NSUN6: variants seen among roughly 807,000 people sequenced by gnomAD.
The protein encoded by NSUN6 is NOP2/Sun RNA methyltransferase 6.
Under a neutral mutation model 58.0 loss-of-function variants are expected in NSUN6, and 64 were observed. That is an observed-to-expected ratio of 1.10 (90% CI 0.90 to 1.36). The LOEUF is 1.36. NSUN6 is among the 40% of genes most tolerant of loss of function. NSUN6 has a pLI of 0.00. For synonymous variants in NSUN6, 231 were observed against 193.9 expected (o/e 1.19, Z -1.59); for missense variants, 701 against 550.1 (o/e 1.27, Z -2.74).
intron 10 of NSUN6, 50 bp downstream of exon 10, chr10:18,548,062 A>C (rs1292697694): frequency 6.3e-7 from 1 of 1,578,128 alleles, no homozygotes; most frequent in South Asian, 1.1e-5. Flanking sequence ...ACAGTGCTTC[A>C]GTTTCTGTGA....
At position 18,623,503 on chromosome 10, in the gene NSUN6, C is replaced by T. The variant is rs756131857; in HGVS notation, c.312-7210G>A. On this transcript the variant is annotated intron_variant, in intron 3 of 10. Transcript: ENST00000377304. Reference sequence around the variant, plus strand: ...TGGAGTCTCTGAAAAGGAGAGGCTCCTGGAGGCTTAATCAAACATTTATTA... The same window carrying T: ...TGGAGTCTCTGAAAAGGAGAGGCTCTTGGAGGCTTAATCAAACATTTATTA... Among the ~76,000 whole-genome samples, 162 of 152,234 alleles carry T rather than the reference C, an allele frequency of 1.1e-3. 1 individual carries two copies. The highest frequency in any genetic ancestry group is 1.9e-3 in the Non-Finnish European group (130 of 68,028).
At chr10:18,603,766 C>T (rs2057942440) in intron 6 of NSUN6, among the ~76,000 whole-genome samples, 2 of 152,228 alleles carry the variant, frequency 1.3e-5, no homozygotes, top group African/African-American at 2.4e-5. Context: ...CGTGAGCCAC[C>T]GTGCCTGGCC....
chr10:18,552,097 T>C (rs1231682270), intron 8 of NSUN6, 126 bp from the exon 9 acceptor site: 1 of 616,130 alleles, frequency 1.6e-6, no homozygotes, highest in Non-Finnish European at 2.8e-6. Context: ...CTCCCTTCAA[T>C]CAAGTAGCTG....
At chr10:18,651,659 G>C (rs1349139256), upstream of NSUN6, 20 of 985,758 alleles carry the variant, frequency 2.0e-5, no homozygotes, top group Non-Finnish European at 2.3e-5. Flanking sequence ...CGGCGCCTGC[G>C]GCCCACCCCT....
chr10:18,650,935 C>T (rs1349123251), intron 1 of NSUN6, among the ~76,000 whole-genome samples, 194 bp downstream of exon 1: 5 of 152,166 alleles, frequency 3.3e-5, no homozygotes, highest in Non-Finnish European at 7.3e-5. Context: ...AATGTTAAAA[C>T]ATATACCTTA....
intron 8 of NSUN6, among the ~76,000 whole-genome samples, chr10:18,572,530 AT>A (rs1564741230): frequency 1.4e-5 from 2 of 145,800 alleles, no homozygotes; most frequent in African/African-American, 5.2e-5. Context: ...TCCATTCCCT[AT>A]TCCATTCCAT....
intron 3 of NSUN6, among the ~76,000 whole-genome samples, chr10:18,642,225 G>A (rs908587378): frequency 6.6e-6 from 1 of 151,442 alleles, no homozygotes; most frequent in African/African-American, 2.4e-5. Flanking sequence ...GTGGGGGGGG[G>A]AAAACATCAC....
chr10:18,619,310 G>A (rs542028445), intron 3 of NSUN6, among the ~76,000 whole-genome samples: 21 of 152,242 alleles, frequency 1.4e-4, no homozygotes, highest in African/African-American at 4.8e-4. Context: ...CCTTTATGAC[G>A]GAGGGAACTT....
chr10:18,559,166 GA>G, intron 8 of NSUN6, among the ~76,000 whole-genome samples: 1 of 151,612 alleles, frequency 6.6e-6, no homozygotes, highest in Middle Eastern at 3.4e-3. Flanking sequence ...GAATGGAATG[GA>G]ATGGAGAATA....
chr10:18,574,293 T>G (rs926735887), intron 8 of NSUN6, among the ~76,000 whole-genome samples: 2 of 152,088 alleles, frequency 1.3e-5, no homozygotes, highest in African/African-American at 2.4e-5. Context: ...TAGAACTACG[T>G]TAACCAGAGA....
intron 8 of NSUN6, among the ~76,000 whole-genome samples, chr10:18,552,704 A>G (rs1564702992): frequency 6.7e-6 from 1 of 148,404 alleles, no homozygotes; most frequent in East Asian, 2.0e-4. Context: ...ATTCCATTCC[A>G]TTCTGCGTTC....
At chr10:18,602,590 G>A (rs368454330) in intron 6 of NSUN6, among the ~76,000 whole-genome samples, 2 of 151,776 alleles carry the variant, frequency 1.3e-5, no homozygotes, top group African/African-American at 4.8e-5. Context: ...GGCTGGTCTC[G>A]AACTCCTGAC....
intron 4 of NSUN6, among the ~76,000 whole-genome samples, chr10:18,615,819 T>C (rs1183169187): frequency 1.3e-5 from 2 of 152,220 alleles, no homozygotes; most frequent in East Asian, 3.8e-4. Context: ...TTCATCCCAA[T>C]GTTCAGAGTC....
intron 8 of NSUN6, among the ~76,000 whole-genome samples, chr10:18,557,847 A>C (rs1399241042): frequency 6.6e-6 from 1 of 150,836 alleles, no homozygotes; most frequent in Non-Finnish European, 1.5e-5. Flanking sequence ...ATAGAATGGA[A>C]AATAGAATGG....
In NSUN6 at chr10:18,634,468, C is replaced by T. The variant is rs555145087; in HGVS notation, c.311+8008G>A. 6.6e-5 allele frequency among the ~76,000 whole-genome samples: 10 copies of T among 152,120 alleles called. No homozygotes were observed. The South Asian group carries it at 2.1e-3, about 32-fold the overall frequency. ...CCCATGACCAAGACAGGCTTAAGAA[C>T]AAACCGGGCCTGGTGGCTCACGCCT... On this transcript the variant is annotated intron_variant, in intron 3 of 10. Coordinates refer to ENST00000377304, the MANE Select transcript of NSUN6 (RefSeq NM_182543.5).
At chr10:18,641,110 G>T (rs1176206054) in intron 3 of NSUN6, among the ~76,000 whole-genome samples, 1 of 152,148 alleles carries the variant, frequency 6.6e-6, no homozygotes, top group South Asian at 2.1e-4. Flanking sequence ...CATCTTCTCT[G>T]ATTGGTAAGT....
At chr10:18,646,109 C>T (rs1422298881) in intron 2 of NSUN6, among the ~76,000 whole-genome samples, 2 of 151,976 alleles carry the variant, frequency 1.3e-5, no homozygotes, top group African/African-American at 4.8e-5. Flanking sequence ...CCAGGAGAAT[C>T]GCTTGAACCT....
At chr10:18,588,224 C>T (rs543047525) in intron 7 of NSUN6, among the ~76,000 whole-genome samples, 27 of 152,312 alleles carry the variant, frequency 1.8e-4, no homozygotes, top group African/African-American at 6.3e-4. Flanking sequence ...GATTCCTCCT[C>T]ACTGGGCAGG....
At chr10:18,632,102 A>G (rs1011007524) in intron 3 of NSUN6, among the ~76,000 whole-genome samples, 2 of 151,296 alleles carry the variant, frequency 1.3e-5, no homozygotes, top group African/African-American at 4.8e-5. Flanking sequence ...ATAATGCCGC[A>G]TATCTACAAC....
Sources: gnomAD v4.1 joint callset for allele counts (sites outside exome capture counted in the v4.1 genomes callset) on GRCh38, gnomAD v4.1.1 for gene constraint, MANE v1.5 for transcripts, NCBI Gene and HGNC (gene_info 2026-07-23, HGNC 2026-07-21) for gene names.